The following GAN variants were observed in gnomAD, a reference collection of about 807,000 sequenced individuals.
GAN encodes the protein gigaxonin, also known as epididymis secretory sperm binding protein.
Under a neutral mutation model 71.3 loss-of-function variants are expected in GAN, and 48 were observed. The ratio of observed to expected loss-of-function variants is 0.67; its 90% CI spans 0.53 to 0.86. GAN has a LOEUF of 0.86. Ranked by LOEUF, GAN falls within the 40% of genes least tolerant of loss-of-function variation. GAN has a pLI of 0.00. For synonymous variants in GAN, 386 were observed against 276.8 expected, an observed-to-expected ratio of 1.39 and a Z score of -3.92; for missense variants, 928 against 770.1, an observed-to-expected ratio of 1.21 and a Z score of -2.43.
chr16:81,369,949 C>T (rs1268785361), intron 9 of GAN, among the ~76,000 whole-genome samples: 2 of 152,290 alleles, frequency 1.3e-5, no homozygotes, highest in South Asian at 2.1e-4. Context: ...AAATTCTTTC[C>T]CAGACGTAAT....
Position 81,390,162 on chromosome 16 carries a change from T to G in GAN, c.*12566T>G, listed in dbSNP as rs1415000343. 2 of 152,148 alleles carry G rather than the reference T, an allele frequency of 1.3e-5. No homozygotes were observed. Among genetic ancestry groups the G allele is most frequent in the Non-Finnish European group, 2.9e-5 (2 of 68,030 alleles). The allele number at this position is 152,148 out of a possible 1,614,324, so 9.4% of individuals were successfully genotyped here. A position where few individuals can be genotyped will look rare whatever the true frequency, so the allele number is the denominator to read the frequency against. ...TGAAAATCATAGCTAAATAGGCAGG[T>G]TTAGAAAGTTCAAAATATTGGAAGT... On this transcript the variant is annotated 3_prime_UTR_variant, in exon 11 of 11. Coordinates refer to ENST00000648994, the MANE Select transcript of GAN (RefSeq NM_022041.4).
intron 2 of GAN, among the ~76,000 whole-genome samples, chr16:81,352,117 A>G (rs541913927): frequency 1.3e-5 from 2 of 152,292 alleles, no homozygotes; most frequent in African/African-American, 4.8e-5. Context: ...GGCGTTGTGG[A>G]TTATTTGGTA....
rs8055288 is a variant in GAN at position 81,362,313 on chromosome 16, A to C, written c.974-186A>C. The stretch of plus-strand genomic sequence containing the variant: ...CTCAAAGACAGTAATGAGTAAAGCA[A>C]AATGGTCAAAGTGATGGTTTGGCTC... On this transcript the variant is annotated intron_variant, in intron 5 of 10. Coordinates refer to ENST00000648994, the MANE Select transcript of GAN (RefSeq NM_022041.4). 2.7e-3 allele frequency among the ~76,000 whole-genome samples: 411 copies of C among 152,104 alleles called. 2 individuals carry two copies. Among genetic ancestry groups the C allele is most frequent in the African/African-American group, 9.5e-3 (393 of 41,496 alleles).
At chr16:81,324,049 C>G (rs1909301369) in intron 1 of GAN, among the ~76,000 whole-genome samples, 1 of 152,124 alleles carries the variant, frequency 6.6e-6, no homozygotes, top group Non-Finnish European at 1.5e-5. Flanking sequence ...CAAGAATGAG[C>G]AGAGAATAGA....
chr16:81,376,831 T>C (rs1395163823), intron 9 of GAN, among the ~76,000 whole-genome samples: 3 of 152,034 alleles, frequency 2.0e-5, no homozygotes, highest in African/African-American at 7.3e-5. Flanking sequence ...GAACCATAAT[T>C]GTGCCACTGC....
rs113493148 is a variant in GAN, at chr16:81,325,858, T to G, written c.167+10578T>G. 2.2e-3 allele frequency among the ~76,000 whole-genome samples: 334 copies of G among 152,382 alleles called. 1 individual carries two copies. The highest frequency in any genetic ancestry group is 7.7e-3 in the African/African-American group (319 of 41,584). ...CTGTTTAAACACCTTAATTATATTC[T>G]TCTAGCCCTTGACAGCTCTGCAGAG... On this transcript the variant is annotated intron_variant, in intron 1 of 10. Coordinates refer to ENST00000648994, the MANE Select transcript of GAN (RefSeq NM_022041.4).
rs9938148 is a variant in GAN, at chr16:81,351,920, C to T, written c.282+223C>T. On this transcript the variant is annotated intron_variant, in intron 2 of 10. Transcript: ENST00000648994. ...GAAGTAAGATCTTAGACTCAAATCT[C>T]AGTTTGTTGCTACCATTCTGAGCTC... Among the ~76,000 whole-genome samples the T allele has an allele frequency of 0.41, 62,179 of 152,006 alleles. 13,395 individuals are homozygous for T. The highest frequency in any genetic ancestry group is 0.54 in the Middle Eastern group (159 of 294).
intron 7 of GAN, among the ~76,000 whole-genome samples, chr16:81,364,543 G>A (rs1272662788): frequency 6.6e-6 from 1 of 152,140 alleles, no homozygotes; most frequent in East Asian, 1.9e-4. Context: ...AATAAAGTTA[G>A]CCGGGCACAG....
intron 1 of GAN, among the ~76,000 whole-genome samples, chr16:81,333,114 C>G (rs940009129): frequency 6.6e-6 from 1 of 151,938 alleles, no homozygotes; most frequent in Non-Finnish European, 1.5e-5. Flanking sequence ...AGGTGGCACG[C>G]ACCTGTAGTC....
chr16:81,362,657 C>A, intron 6 of GAN, 46 bp downstream of exon 6: 1 of 990,352 alleles, frequency 1.0e-6, no homozygotes, highest in South Asian at 1.3e-5. Context: ...TCTCTTTCCC[C>A]TTAGCGCTTC....
At chr16:81,355,111 C>G (rs939139606) in intron 3 of GAN, among the ~76,000 whole-genome samples, 2 of 152,216 alleles carry the variant, frequency 1.3e-5, no homozygotes, top group African/African-American at 4.8e-5. Flanking sequence ...AGGCTAACCT[C>G]TGCCAGGCCT....
rs771077333 is a variant in GAN, at chr16:81,365,497, A to G, written c.1502+19A>G. On this transcript the variant is annotated intron_variant, in intron 9 of 10. Coordinates refer to ENST00000648994, the MANE Select transcript of GAN (RefSeq NM_022041.4). ...TTAAAAGGTAACTAAGAATGGTTTCACATAGCTACTGCAACTTTTTCTTTG... is the reference window on the plus strand; with the variant it reads ...TTAAAAGGTAACTAAGAATGGTTTCGCATAGCTACTGCAACTTTTTCTTTG... The G allele has an allele frequency of 3.1e-6, 5 of 1,611,152 alleles. No individual in the cohort carries two copies. The highest frequency in any genetic ancestry group is 3.3e-5 in the Admixed American group (2 of 59,928).
At chr16:81,368,400 A>C (rs980117417) in intron 9 of GAN, among the ~76,000 whole-genome samples, 7 of 152,334 alleles carry the variant, frequency 4.6e-5, no homozygotes, top group Middle Eastern at 3.4e-3. Flanking sequence ...GGAGTTCAAG[A>C]CAACCCTGAG....
intron 1 of GAN, among the ~76,000 whole-genome samples, chr16:81,318,419 G>A (rs1218952002): frequency 3.3e-5 from 5 of 152,202 alleles, no homozygotes; most frequent in African/African-American, 9.6e-5. Flanking sequence ...TCCTAGCACT[G>A]TGAGAGGTGG....
rs145812767 is a variant in GAN, at chr16:81,335,382, C to T, written c.168-16201C>T. Among the ~76,000 whole-genome samples, 879 of 152,040 alleles carry T rather than the reference C, an allele frequency of 5.8e-3. 9 individuals carry two copies. Among genetic ancestry groups the T allele is most frequent in the African/African-American group, 0.021 (852 of 41,470 alleles). On this transcript the variant is annotated intron_variant, in intron 1 of 10. Transcript: ENST00000648994. ...TGTAATCCCAGCACTTTTTGGAGGC[C>T]GAGGCGGGCATATCACTTGATGTCA... is the stretch of plus-strand genomic sequence containing the variant.
chr16:81,354,363 A>G (rs1397449754), intron 2 of GAN, 42 bp from the exon 3 acceptor site: 2 of 1,288,896 alleles, frequency 1.6e-6, no homozygotes, highest in Admixed American at 3.4e-5. Flanking sequence ...TGGGTTTTAA[A>G]TGTACACATT....
intron 1 of GAN, among the ~76,000 whole-genome samples, chr16:81,336,590 A>C (rs1909769440): frequency 6.6e-6 from 1 of 151,534 alleles, no homozygotes; most frequent in African/African-American, 2.4e-5. Context: ...CAGCCTCTTA[A>C]TTAGCTAGGA....
rs1400107945 is a variant in GAN at position 81,379,693 on chromosome 16, A to G, written c.*2097A>G. ...GTCCTGTACAGAACAGTACCTTGGCATTCAGCAGCTGTAATTGGGGAACAT... is the reference window on the plus strand; with the variant it reads ...GTCCTGTACAGAACAGTACCTTGGCGTTCAGCAGCTGTAATTGGGGAACAT... On this transcript the variant is annotated 3_prime_UTR_variant, in exon 11 of 11. Coordinates refer to ENST00000648994, the MANE Select transcript of GAN (RefSeq NM_022041.4). The G allele has an allele frequency of 6.6e-6, 1 of 152,244 alleles. No individual in the cohort carries two copies. The allele number at this position is 152,244 out of a possible 1,614,324, so 9.4% of individuals were successfully genotyped here.
chr16:81,343,229 C>T (rs537585152), intron 1 of GAN, among the ~76,000 whole-genome samples: 15 of 152,234 alleles, frequency 9.9e-5, no homozygotes, highest in East Asian at 5.8e-4. Flanking sequence ...GAAACTATTC[C>T]GATCAATAGA....
Sources: gnomAD v4.1 joint callset for allele counts (sites outside exome capture counted in the v4.1 genomes callset) on GRCh38, gnomAD v4.1.1 for gene constraint, MANE v1.5 for transcripts, NCBI Gene and HGNC (gene_info 2026-07-23, HGNC 2026-07-21) for gene names.